The following ITGB3 variants were observed in gnomAD, a reference collection of about 807,000 sequenced individuals.
ITGB3 encodes integrin beta-3.
A neutral mutation model predicts 85.8 loss-of-function variants in ITGB3; 48 were observed. That is an observed-to-expected ratio of 0.56 (90% CI 0.44 to 0.71). The LOEUF (loss-of-function observed/expected upper bound fraction) is 0.71. Among genes scored for constraint, ITGB3 ranks in the 30% least tolerant of loss-of-function variants. The pLI is 0.00. For missense variants in ITGB3, 861 were observed against 1,019.1 expected (o/e 0.84, Z 2.11); for synonymous variants, 363 against 395.6 (o/e 0.92, Z 0.98).
intron 1 of ITGB3, among the ~76,000 whole-genome samples, chr17:47,255,272 C>T (rs1248159712): frequency 6.6e-6 from 1 of 152,126 alleles, no homozygotes; most frequent in African/African-American, 2.4e-5. Flanking sequence ...AGCCACCGCA[C>T]CTGGCCAGGA....
At chr17:47,287,860 T>C (rs2143100853) in intron 6 of ITGB3, among the ~76,000 whole-genome samples, 1 of 149,816 alleles carries the variant, frequency 6.7e-6, no homozygotes, top group East Asian at 2.0e-4. Context: ...CAGTGAGCTG[T>C]GATCTTGCCA....
chr17:47,309,854 C>A (rs1225027533), intron 14 of ITGB3, among the ~76,000 whole-genome samples: 3 of 148,176 alleles, frequency 2.0e-5, no homozygotes, highest in Non-Finnish European at 1.5e-5. Flanking sequence ...CGAGATTGTG[C>A]CACTGCACTC....
chr17:47,262,781 A>G (rs1310265132), intron 1 of ITGB3, among the ~76,000 whole-genome samples: 4 of 152,132 alleles, frequency 2.6e-5, no homozygotes, highest in Non-Finnish European at 5.9e-5. Context: ...CCTGAGGTGG[A>G]GGCGAGGGGA....
At chr17:47,274,935 T>C (rs1053196042) in intron 2 of ITGB3, among the ~76,000 whole-genome samples, 1 of 152,186 alleles carries the variant, frequency 6.6e-6, no homozygotes, top group Non-Finnish European at 1.5e-5. Context: ...TGACCCACCA[T>C]GCCCAGCCCT....
At chr17:47,271,589 ATTG>A (rs1447995360) in intron 1 of ITGB3, among the ~76,000 whole-genome samples, 1 of 152,186 alleles carries the variant, frequency 6.6e-6, no homozygotes, top group Non-Finnish European at 1.5e-5. Flanking sequence ...AATCATTGGT[ATTG>A]TTGTTGGATA....
At position 47,302,850 on chromosome 17, in the gene ITGB3, C is replaced by T; in HGVS notation, c.2134+10C>T. 6.2e-7 allele frequency: 1 copy of T among 1,614,066 alleles called. No homozygotes were observed. Among genetic ancestry groups the T allele is most frequent in the Non-Finnish European group, 8.5e-7 (1 of 1,179,986 alleles). On this transcript the variant is annotated intron_variant, in intron 13 of 14. Transcript: ENST00000559488. The stretch of plus-strand genomic sequence containing the variant: ...GTGGTAGAAGAGCCAGGTGAGTGAA[C>T]CCTGACGGCTCCCGGCCCTGCCCCA...
At chr17:47,283,606 G>A in intron 3 of ITGB3, 57 bp downstream of exon 3, 1 of 1,545,300 alleles carries the variant, frequency 6.5e-7, no homozygotes, top group Non-Finnish European at 8.9e-7. Context: ...TAGAGCACAA[G>A]GTGGAGGTCT....
rs1463756589 is a variant in ITGB3 at position 47,283,419 on chromosome 17, A to G, written c.231A>G (p.Pro77=). 4 of 1,614,122 alleles carry G rather than the reference A, an allele frequency of 2.5e-6. No individual in the cohort carries two copies. The highest frequency in any genetic ancestry group is 2.2e-5 in the East Asian group (1 of 44,902). The stretch of plus-strand genomic sequence containing the variant: ...ATCTGCTGAAGGATAACTGTGCCCC[A>G]GAATCCATCGAGTTCCCAGTGAGTG... ...KENLLKDNCA[P]ESIEFPVSEA... The change falls in exon 3 of 15, where the codon CCA becomes CCG. Residue 77 remains proline (P), a synonymous_variant. Transcript: ENST00000559488.
At position 47,292,637 on chromosome 17, in the gene ITGB3, C is replaced by T. The variant is rs991207636; in HGVS notation, c.1690+69C>T. On this transcript the variant is annotated intron_variant, in intron 10 of 14. Transcript: ENST00000559488. ...CTCATATACCTGCAACCACTGGAAA[C>T]ATAGGTGAAGGCCTGAGATGGGTCT... is the stretch of plus-strand genomic sequence containing the variant. 22 of 1,540,842 alleles carry T rather than the reference C, an allele frequency of 1.4e-5. No homozygotes were observed. In the African/African-American group the frequency reaches 2.2e-4, roughly 15 times the overall value.
intron 2 of ITGB3, 33 bp downstream of exon 2, chr17:47,274,537 C>G: frequency 6.3e-7 from 1 of 1,577,826 alleles, no homozygotes; most frequent in Non-Finnish European, 8.7e-7. Context: ...TGTTTCTTCT[C>G]CAGACTAAGC....
chr17:47,259,671 G>A (rs1401819802), intron 1 of ITGB3, among the ~76,000 whole-genome samples: 5 of 152,086 alleles, frequency 3.3e-5, no homozygotes, highest in East Asian at 1.9e-4. Context: ...AGGCCGAGGC[G>A]GGCGGATCAC....
intron 6 of ITGB3, among the ~76,000 whole-genome samples, chr17:47,288,267 T>C (rs2065111781): frequency 6.6e-6 from 1 of 150,716 alleles, no homozygotes; most frequent in Non-Finnish European, 1.5e-5. Context: ...ATAAAAGGCA[T>C]GGTGAACAGG....
At chr17:47,295,593 C>T (rs2065142895) in intron 10 of ITGB3, among the ~76,000 whole-genome samples, 1 of 152,198 alleles carries the variant, frequency 6.6e-6, no homozygotes, top group African/African-American at 2.4e-5. Flanking sequence ...CCACTCCCAA[C>T]CTCACTCCCT....
In ITGB3 at chr17:47,290,145, T is replaced by C. The variant is rs41504748; in HGVS notation, c.1036-40T>C. On this transcript the variant is annotated intron_variant, in intron 7 of 14. Coordinates refer to ENST00000559488, the MANE Select transcript of ITGB3 (RefSeq NM_000212.3). The stretch of plus-strand genomic sequence containing the variant: ...GGAGGGCTTTTGGAGACCACCAGCT[T>C]CCTTTGGTAAGCTCTGGACATCTTT... 5,083 of 1,527,392 alleles carry C rather than the reference T, an allele frequency of 3.3e-3. 133 individuals carry two copies. In the East Asian group the frequency reaches 0.046, roughly 14 times the overall value. 94.6% of individuals were successfully genotyped at this position (1,527,392 alleles called of 1,614,324 possible).
chr17:47,266,119 C>G (rs146118162), intron 1 of ITGB3, among the ~76,000 whole-genome samples: 11 of 152,150 alleles, frequency 7.2e-5, no homozygotes, highest in Non-Finnish European at 1.3e-4. Flanking sequence ...GGCCAGGTGA[C>G]TACAATGAGG....
At chr17:47,293,546 A>G (rs1320347310) in intron 10 of ITGB3, among the ~76,000 whole-genome samples, 2 of 151,924 alleles carry the variant, frequency 1.3e-5, no homozygotes, top group African/African-American at 4.8e-5. Flanking sequence ...TGTGTGGCCA[A>G]ACAGAGAGAT....
chr17:47,274,855 C>T (rs1364068831), intron 2 of ITGB3, among the ~76,000 whole-genome samples: 3 of 152,094 alleles, frequency 2.0e-5, no homozygotes, highest in Non-Finnish European at 4.4e-5. Context: ...CTATGTTGCC[C>T]AGGCTGGTCT....
intron 10 of ITGB3, 146 bp downstream of exon 10, chr17:47,292,714 C>A: frequency 1.3e-6 from 1 of 751,900 alleles, no homozygotes. Context: ...AGTATAAGGA[C>A]CAATCCCCTT....
intron 2 of ITGB3, chr17:47,279,877 G>A (rs1202736308): frequency 6.6e-6 from 1 of 152,268 alleles, no homozygotes; most frequent in African/African-American, 2.4e-5. Flanking sequence ...AGATAGGATT[G>A]GGGCTTTTTT....
Sources: allele counts gnomAD v4.1 joint callset (sites outside exome capture counted in the v4.1 genomes callset), GRCh38; gene constraint gnomAD v4.1.1; transcripts MANE v1.5; gene names NCBI Gene and HGNC (gene_info 2026-07-23, HGNC 2026-07-21).